The following RIF1 variants were observed in gnomAD, a reference collection of about 807,000 sequenced individuals.
The protein encoded by RIF1 is replication timing regulatory factor 1.
In RIF1, 45 loss-of-function variants were observed where a neutral mutation model predicts 247.1. That is an observed-to-expected ratio of 0.18 (90% CI 0.14 to 0.23). The LOEUF is 0.23. Ranked by LOEUF, RIF1 falls within the 10% of genes least tolerant of loss-of-function variation. The pLI is 1.00. For synonymous variants in RIF1, 1,087 were observed against 978.8 expected (o/e 1.11, Z -2.06); for missense variants, 2,967 against 2,862.5 (o/e 1.04, Z -0.83).
intron 31 of RIF1, 83 bp downstream of exon 31, chr2:151,468,229 TA>T (rs1473729954): frequency 7.7e-7 from 1 of 1,296,092 alleles, no homozygotes; most frequent in Non-Finnish European, 1.1e-6. Flanking sequence ...ATGAACTATA[TA>T]TGTGAAAAAC....
At chr2:151,527,101 G>A in the RIF1 span, 3 of 925,292 alleles carry the variant, frequency 3.2e-6, no homozygotes, top group African/African-American at 1.6e-5. Context: ...AACACACAGG[G>A]AGTCCTCTTA....
intron 30 of RIF1, among the ~76,000 whole-genome samples, chr2:151,466,426 A>G (rs1696892925): frequency 6.6e-6 from 1 of 152,222 alleles, no homozygotes; most frequent in Non-Finnish European, 1.5e-5. Context: ...CCATAATATC[A>G]TATGAGGAAA....
intron 3 of RIF1, 151 bp downstream of exon 3, chr2:151,411,489 G>A (rs1402029733): frequency 5.4e-6 from 3 of 557,304 alleles, no homozygotes; most frequent in Admixed American, 3.6e-5. Context: ...TGAAACCTCC[G>A]CCTCTCGGGT....
chr2:151,440,140 C>T lies in RIF1; in HGVS notation c.1647+13C>T. ...ATCAAAAACGCTGGTAAGTATAATA[C>T]CCGTATGTTGGACTTTAAAAACCAT... On this transcript the variant is annotated intron_variant, in intron 15 of 35. Coordinates refer to ENST00000444746, the MANE Select transcript of RIF1 (RefSeq NM_018151.5). 7.5e-7 allele frequency: 1 copy of T among 1,330,256 alleles called. No homozygotes were observed. The highest frequency in any genetic ancestry group is 1.1e-6 in the Non-Finnish European group (1 of 939,340). 82.4% of individuals were successfully genotyped at this position (1,330,256 alleles called of 1,614,324 possible).
At chr2:151,427,818 A>G (rs1471479729) in intron 8 of RIF1, among the ~76,000 whole-genome samples, 3 of 151,904 alleles carry the variant, frequency 2.0e-5, no homozygotes, top group African/African-American at 7.3e-5. Context: ...TAATCCCAGC[A>G]CTTTGGGAGG....
intron 11 of RIF1, among the ~76,000 whole-genome samples, chr2:151,500,063 C>T (rs536758857): frequency 2.0e-5 from 3 of 152,008 alleles, no homozygotes; most frequent in Non-Finnish European, 4.4e-5. Flanking sequence ...TTTTGAAAAT[C>T]GTTGCAAGCC....
chr2:151,471,755 C>T (rs2048548552), intron 34 of RIF1, among the ~76,000 whole-genome samples: 1 of 152,138 alleles, frequency 6.6e-6, no homozygotes. Context: ...CAGTACCATG[C>T]TGTTTTGGTT....
downstream of RIF1, among the ~76,000 whole-genome samples, chr2:151,486,942 G>A (rs2051004489): frequency 6.6e-6 from 1 of 152,084 alleles, no homozygotes; most frequent in South Asian, 2.1e-4. Context: ...TTTTTTTATG[G>A]TGATGAAAGT....
intron 7 of RIF1, among the ~76,000 whole-genome samples, chr2:151,422,647 C>T (rs1175800524): frequency 6.6e-6 from 1 of 151,800 alleles, no homozygotes; most frequent in Non-Finnish European, 1.5e-5. Context: ...TTATGGGCGT[C>T]TGCCACCATG....
rs578254760 is a variant in RIF1 at position 151,440,278 on chromosome 2, A to G, written c.1647+151A>G. 6.7e-5 allele frequency: 41 copies of G among 611,042 alleles called. No homozygotes were observed. In the African/African-American group the frequency reaches 7.7e-4, roughly 11 times the overall value. 37.9% of individuals were successfully genotyped at this position (611,042 alleles called of 1,614,324 possible). On this transcript the variant is annotated intron_variant, in intron 15 of 35. Transcript: ENST00000444746. ...GTCCTATTGCAATAAGTGCCATTCT[A>G]TTAACTGTAGAGTCATTTGAAACCT... is the stretch of plus-strand genomic sequence containing the variant.
chr2:151,435,375 C>T (rs998288982), intron 10 of RIF1, 88 bp from the exon 11 acceptor site: 22 of 777,532 alleles, frequency 2.8e-5, no homozygotes, highest in Non-Finnish European at 4.6e-5. Flanking sequence ...TATTAAGGCT[C>T]CATTTAATGA....
the RIF1 span, among the ~76,000 whole-genome samples, chr2:151,533,239 G>C: frequency 1.3e-5 from 2 of 152,228 alleles, no homozygotes; most frequent in Non-Finnish European, 2.9e-5. Context: ...AGTTCTGAAA[G>C]TGTCAGATGA....
In RIF1 at chr2:151,429,196, A is replaced by T. The variant is rs566148163; in HGVS notation, c.925+274A>T. 7.9e-5 allele frequency among the ~76,000 whole-genome samples: 12 copies of T among 152,114 alleles called. No homozygotes were observed. In the South Asian group the frequency reaches 2.3e-3, roughly 29 times the overall value. On this transcript the variant is annotated intron_variant, in intron 9 of 35. Transcript: ENST00000444746. ...GGCTTCCTTTTTTATTTATTTATTT[A>T]TTTTTTGAGACAGGGTCGCTCTTGC...
chr2:151,411,864 G>T (rs1408334220), intron 3 of RIF1, among the ~76,000 whole-genome samples: 1 of 152,216 alleles, frequency 6.6e-6, no homozygotes, highest in Non-Finnish European at 1.5e-5. Context: ...ATGGTTCCAT[G>T]AGATTATTTC....
intron 9 of RIF1, among the ~76,000 whole-genome samples, chr2:151,430,407 C>T (rs890048480): frequency 5.9e-5 from 9 of 151,832 alleles, no homozygotes; most frequent in Admixed American, 1.3e-4. Flanking sequence ...CTGCAACCTC[C>T]GCCTCCCAAG....
intron 21 of RIF1, among the ~76,000 whole-genome samples, chr2:151,452,493 A>G (rs147664198): frequency 7.9e-5 from 12 of 152,338 alleles, no homozygotes; most frequent in Non-Finnish European, 1.5e-4. Context: ...GTTTTCTAAA[A>G]CATTCTTAGA....
intron 8 of RIF1, among the ~76,000 whole-genome samples, chr2:151,424,825 A>ATTTTTTTT (rs71000475): frequency 2.1e-4 from 10 of 47,288 alleles, no homozygotes; most frequent in African/African-American, 8.0e-4. Flanking sequence ...AGCCCGGCTG[A>ATTTTTTTT]TTTTTTTTTT....
intron 8 of RIF1, among the ~76,000 whole-genome samples, chr2:151,425,480 A>G (rs770875198): frequency 1.3e-5 from 2 of 151,940 alleles, no homozygotes; most frequent in African/African-American, 2.4e-5. Context: ...TTGTTTCCCA[A>G]TGCTTTCGTC....
In RIF1 at chr2:151,412,823, T is replaced by G. The variant is rs186057335; in HGVS notation, c.183+1485T>G. Among the ~76,000 whole-genome samples the G allele has an allele frequency of 2.0e-5, 3 of 152,146 alleles. No homozygotes were observed. In the East Asian group the frequency reaches 5.8e-4, roughly 29 times the overall value. Reference sequence around the variant, plus strand: ...AGTGTTTCATCCAGACATGTACATTTTAACGTGATTTTTGGCGAAGTATTA... The same window carrying G: ...AGTGTTTCATCCAGACATGTACATTGTAACGTGATTTTTGGCGAAGTATTA... On this transcript the variant is annotated intron_variant, in intron 3 of 35. Transcript: ENST00000444746.
Sources: gnomAD v4.1 joint callset for allele counts (sites outside exome capture counted in the v4.1 genomes callset) on GRCh38, gnomAD v4.1.1 for gene constraint, MANE v1.5 for transcripts, NCBI Gene and HGNC (gene_info 2026-07-23, HGNC 2026-07-21) for gene names.